LGALS4: variants seen among roughly 807,000 people sequenced by gnomAD.
LGALS4 encodes galectin 4, also known as galectin-4.
LGALS4 carries 37 observed loss-of-function variants against 39.6 expected under a neutral mutation model. The observed-to-expected ratio is 0.93, with a 90% CI of 0.72 to 1.23. The LOEUF is 1.23. Ranked by LOEUF, LGALS4 falls within the 50% of genes most tolerant of loss-of-function variation. The pLI is 0.00. For synonymous variants in LGALS4, 160 were observed against 165.5 expected, an observed-to-expected ratio of 0.97 and a Z score of 0.25; for missense variants, 397 against 433.2, an observed-to-expected ratio of 0.92 and a Z score of 0.74.
In LGALS4 at chr19:38,801,730, C is replaced by G. The variant is rs748749809; in HGVS notation, c.*34G>C. 1 of 1,609,298 alleles carries G rather than the reference C, an allele frequency of 6.2e-7. No individual in the cohort carries two copies. Among genetic ancestry groups the G allele is most frequent in the South Asian group, 1.1e-5 (1 of 90,688 alleles). On this transcript the variant is annotated 3_prime_UTR_variant, in exon 10 of 10. Coordinates refer to ENST00000307751, the MANE Select transcript of LGALS4 (RefSeq NM_006149.4). ...TAGAAAGGAGTCCTAGGGGATAATT[C>G]TGTTTTCCCATGAGTTATGGCCCCA...
In LGALS4 at chr19:38,806,557, G is replaced by A; in HGVS notation, c.378C>T (p.His126=). 1 of 1,614,036 alleles carries A rather than the reference G, an allele frequency of 6.2e-7. No individual in the cohort carries two copies. The highest frequency in any genetic ancestry group is 8.5e-7 in the Non-Finnish European group (1 of 1,179,992). ...GGGTGACCATCTGTAGGGGAAGCCG[G>A]TGCCCGTACTCATAGAAGGGATTTC... is the stretch of plus-strand genomic sequence containing the variant. ...VNGNPFYEYG[H]RLPLQMVTHL... is the part of the protein sequence containing the mutation. The change falls in exon 4 of 10, where the codon CAC becomes CAT. Residue 126 remains histidine (H), a synonymous_variant. Coordinates refer to ENST00000307751, the MANE Select transcript of LGALS4 (RefSeq NM_006149.4).
At position 38,812,517 on chromosome 19, in the gene LGALS4, C is replaced by T. The variant is rs771079280; in HGVS notation, c.48G>A (p.Thr16=). 8.1e-6 allele frequency: 13 copies of T among 1,613,934 alleles called. No homozygotes were observed. In the South Asian group the frequency reaches 9.9e-5, roughly 12 times the overall value. ...APGYQPTYNP[T]LPYYQPIPGG... ...CCGGGATGGGCTGGTAGTAAGGCAG[C>T]GTCTGGAGAAGAGGCCTGGTGAGGG... Residue 16 remains threonine, a splice_region_variant and synonymous_variant, in exon 2 of 10, where the codon ACG becomes ACA. Coordinates refer to ENST00000307751, the MANE Select transcript of LGALS4 (RefSeq NM_006149.4).
chr19:38,804,147 C>T (rs1274339749), intron 4 of LGALS4, among the ~76,000 whole-genome samples: 1 of 152,152 alleles, frequency 6.6e-6, no homozygotes, highest in East Asian at 1.9e-4. Context: ...GTGCCCTTCC[C>T]CTTGCTGTCT....
chr19:38,803,590 T>C (rs1971386841), intron 6 of LGALS4, 39 bp from the exon 7 acceptor site: 1 of 1,610,664 alleles, frequency 6.2e-7, no homozygotes, highest in Admixed American at 1.7e-5. Context: ...TCTCCAAGAG[T>C]CGACAGATAT....
chr19:38,802,140 T>C lies in LGALS4; in HGVS notation c.677A>G (p.Lys226Arg). The C allele has an allele frequency of 6.2e-7, 1 of 1,613,812 alleles. No homozygotes were observed. Among genetic ancestry groups the C allele is most frequent in the Non-Finnish European group, 8.5e-7 (1 of 1,179,810 alleles). The change falls in exon 9 of 10, where the codon AAG becomes AGG. Residue 226 changes from lysine (K) to arginine (R), a missense_variant. Lys to Arg is a conservative substitution (Grantham distance 26, BLOSUM62 2). Coordinates refer to ENST00000307751, the MANE Select transcript of LGALS4 (RefSeq NM_006149.4). ...PTGKSFAINF[K>R]VGSSGDIALH... is the part of the protein sequence containing the mutation. ...AGCTATGTCCCCTGAGGAGCCCACCTTGAAGTTGATAGCAAAGCTGGGGAC... is the reference window on the plus strand; with the variant it reads ...AGCTATGTCCCCTGAGGAGCCCACCCTGAAGTTGATAGCAAAGCTGGGGAC...
chr19:38,803,828 C>T (rs778302085), intron 5 of LGALS4, 41 bp downstream of exon 5: 1 of 1,613,036 alleles, frequency 6.2e-7, no homozygotes, highest in Non-Finnish European at 8.5e-7. Context: ...CTGAGGGACC[C>T]CACTAGGGAG....
chr19:38,812,575 A>G (rs1971507382), intron 1 of LGALS4, 56 bp from the exon 2 acceptor site: 1 of 1,519,660 alleles, frequency 6.6e-7, no homozygotes, highest in African/African-American at 1.4e-5. Context: ...TGCAGCCTTT[A>G]CCCCTCCCAG....
chr19:38,803,343 ACTC>A, intron 7 of LGALS4, 176 bp downstream of exon 7: 1 of 644,704 alleles, frequency 1.6e-6, no homozygotes, highest in Non-Finnish European at 2.7e-6. Flanking sequence ...GAGAGGTCCC[ACTC>A]CTCCTGGAAA....
chr19:38,807,056 G>A (rs1045762391), intron 3 of LGALS4, among the ~76,000 whole-genome samples: 1 of 152,060 alleles, frequency 6.6e-6, no homozygotes, highest in African/African-American at 2.4e-5. Flanking sequence ...ACAGCTCAGA[G>A]GTCAAGCTAA....
In LGALS4 at chr19:38,810,646, G is replaced by A. The variant is rs1333545998; in HGVS notation, c.135-1698C>T. On this transcript the variant is annotated intron_variant, in intron 2 of 9. Transcript: ENST00000307751. ...CAAAGTGCTGGGATTACAGACGTGA[G>A]CCACCACGCCCAGCCAGATGCGATT... 2.0e-5 allele frequency among the ~76,000 whole-genome samples: 3 copies of A among 152,120 alleles called. No homozygotes were observed. The East Asian group carries it at 5.8e-4, about 29-fold the overall frequency.
chr19:38,811,951 T>C (rs1224282944), intron 2 of LGALS4, among the ~76,000 whole-genome samples: 1 of 150,478 alleles, frequency 6.6e-6, no homozygotes, highest in East Asian at 2.0e-4. Flanking sequence ...AGACAGAGGT[T>C]GCAGTGAGCC....
rs144418886 is a variant in LGALS4, at chr19:38,802,099, G to A, written c.718C>T (p.Arg240Cys). The A allele has an allele frequency of 2.5e-5, 41 of 1,614,158 alleles. No homozygotes were observed. Among genetic ancestry groups the A allele is most frequent in the African/African-American group, 2.5e-4 (19 of 75,034 alleles). The change falls in exon 9 of 10, where the codon CGC becomes TGC. Residue 240 changes from arginine to cysteine, a missense_variant. Coordinates refer to ENST00000307751, the MANE Select transcript of LGALS4 (RefSeq NM_006149.4). ...CGGACCACGGTACCGTTGCCCATGC[G>A]GGGATTAATGTGCAGAGCTATGTCC... ...SGDIALHINP[R>C]MGNGTVVRNS...
rs761608721 is a variant in LGALS4 at position 38,803,977 on chromosome 19, G to A, written c.475-82C>T. On this transcript the variant is annotated intron_variant, in intron 4 of 9. Transcript: ENST00000307751. ...AGATGTCGAGAGTGCCTGCCCTGGG[G>A]TGGCCCACCACCACCACCACTATGC... 48 of 1,449,828 alleles carry A rather than the reference G, an allele frequency of 3.3e-5. No individual in the cohort carries two copies. The South Asian group carries it at 4.4e-4, about 13-fold the overall frequency. The allele number at this position is 1,449,828 out of a possible 1,614,324, so 89.8% of individuals were successfully genotyped here.
chr19:38,812,555 A>G (rs1361679020), intron 1 of LGALS4, 36 bp from the exon 2 acceptor site: 2 of 1,589,884 alleles, frequency 1.3e-6, no homozygotes, highest in East Asian at 2.2e-5. Context: ...CTCACAAGCC[A>G]TCTGCCTGTT....
intron 3 of LGALS4, among the ~76,000 whole-genome samples, chr19:38,808,030 C>T (rs1302825073): frequency 6.6e-6 from 1 of 152,062 alleles, no homozygotes; most frequent in African/African-American, 2.4e-5. Flanking sequence ...CCTTTGTTCA[C>T]GTGTTTATCT....
intron 3 of LGALS4, among the ~76,000 whole-genome samples, chr19:38,806,888 A>C (rs1971428358): frequency 6.6e-6 from 1 of 151,916 alleles, no homozygotes; most frequent in Non-Finnish European, 1.5e-5. Context: ...TGGAGGTTGC[A>C]GTGAGTGGAG....
rs1304245884 is a variant in LGALS4, at chr19:38,812,911, G to A, written c.-25C>T. ...TCGCTCGAGGCTGCGCTAGTGGCTG[G>A]TCCTGTGAGAAGAGCTGCAGGAGTG... On this transcript the variant is annotated 5_prime_UTR_variant, in exon 1 of 10. Coordinates refer to ENST00000307751, the MANE Select transcript of LGALS4 (RefSeq NM_006149.4). 2 of 1,608,240 alleles carry A rather than the reference G, an allele frequency of 1.2e-6. No individual in the cohort carries two copies. Among genetic ancestry groups the A allele is most frequent in the African/African-American group, 1.3e-5 (1 of 74,988 alleles).
intron 1 of LGALS4, 40 bp downstream of exon 1, chr19:38,812,802 C>T (rs1234861738): frequency 6.9e-6 from 11 of 1,604,506 alleles, no homozygotes; most frequent in Admixed American, 3.3e-5. Flanking sequence ...GGCTTATGGA[C>T]GGAGCTGCGG....
intron 7 of LGALS4, chr19:38,803,002 CTTTTTCTTTTT>C (rs1467481441): frequency 1.0e-3 from 96 of 95,256 alleles, no homozygotes; most frequent in African/African-American, 4.7e-3. Flanking sequence ...TTTTTCTTTT[CTTTTTCTTTTT>C]TTTTTTTTTT....
Sources: gnomAD v4.1 joint callset for allele counts (sites outside exome capture counted in the v4.1 genomes callset) on GRCh38, gnomAD v4.1.1 for gene constraint, MANE v1.5 for transcripts, NCBI Gene and HGNC (gene_info 2026-07-23, HGNC 2026-07-21) for gene names.